Variants in SLC41A2 observed in about 807,000 individuals in gnomAD.
SLC41A2 encodes SLC41A1-like 1.
SLC41A2 carries 32 observed loss-of-function variants against 58.3 expected under a neutral mutation model. The ratio of observed to expected loss-of-function variants is 0.55; its 90% CI spans 0.41 to 0.74. The LOEUF (loss-of-function observed/expected upper bound fraction) is 0.74, where lower values mean the gene tolerates loss of function less well. Ranked by LOEUF, SLC41A2 falls within the 30% of genes least tolerant of loss-of-function variation. SLC41A2 has a pLI of 0.00. For missense variants in SLC41A2, 514 were observed against 680.6 expected (o/e 0.76, Z 2.72); for synonymous variants, 190 against 235.0 (o/e 0.81, Z 1.75).
intron 10 of SLC41A2, among the ~76,000 whole-genome samples, chr12:104,836,439 G>A (rs2042210992): frequency 1.3e-5 from 2 of 152,182 alleles, no homozygotes; most frequent in South Asian, 4.1e-4. Context: ...GAGGGGAACT[G>A]TTAGAGATCA....
intron 3 of SLC41A2, among the ~76,000 whole-genome samples, chr12:104,896,215 C>T (rs920396330): frequency 5.3e-5 from 8 of 152,154 alleles, no homozygotes; most frequent in Non-Finnish European, 1.2e-4. Context: ...ATTTAGGTCA[C>T]TGGCTTTAGA....
chr12:104,935,390 GTA>G lies in SLC41A2; in HGVS notation c.-167-6698_-167-6697del, dbSNP rs1386971681. 1.9e-4 allele frequency among the ~76,000 whole-genome samples: 21 copies of G among 112,216 alleles called. 1 individual carries two copies. Among genetic ancestry groups the G allele is most frequent in the Non-Finnish European group, 4.3e-4 (21 of 48,916 alleles). 73.6% of individuals were successfully genotyped at this position (112,216 alleles called of 152,430 possible). ...CACAAAAAAAAGTCAGTGAGGTGAT[GTA>G]TATGTTAGTTATCTTGATTGAATAT... On this transcript the variant is annotated intron_variant, in intron 1 of 10. Transcript: ENST00000258538.
At chr12:104,876,514 C>A (rs576532670) in intron 6 of SLC41A2, among the ~76,000 whole-genome samples, 5 of 151,938 alleles carry the variant, frequency 3.3e-5, no homozygotes, top group African/African-American at 9.7e-5. Flanking sequence ...CTTCTTTGAC[C>A]TCTTGGTTGT....
intron 8 of SLC41A2, among the ~76,000 whole-genome samples, chr12:104,851,491 C>A (rs2042797581): frequency 6.6e-6 from 1 of 152,110 alleles, no homozygotes; most frequent in Non-Finnish European, 1.5e-5. Flanking sequence ...TCAAGTGATC[C>A]TCCTGCCTTA....
chr12:104,803,328 C>T lies in SLC41A2; in HGVS notation c.*1824G>A, dbSNP rs1353860523. 3 of 151,996 alleles carry T rather than the reference C, an allele frequency of 2.0e-5. No individual in the cohort carries two copies. The highest frequency in any genetic ancestry group is 2.0e-4 in the Admixed American group (3 of 15,238). 9.4% of individuals were successfully genotyped at this position (151,996 alleles called of 1,614,324 possible). A position where few individuals can be genotyped will look rare whatever the true frequency, so the allele number is the denominator to read the frequency against. On this transcript the variant is annotated 3_prime_UTR_variant, in exon 11 of 11. Coordinates refer to ENST00000258538, the MANE Select transcript of SLC41A2 (RefSeq NM_001352171.3). The stretch of plus-strand genomic sequence containing the variant: ...TTATTCTTTCTTTTATAAGAATGTT[C>T]ACTATGTAACATTATAACTCTCCAA...
intron 8 of SLC41A2, among the ~76,000 whole-genome samples, chr12:104,853,912 T>TTATTATTATTATTATTA (rs1555202445): frequency 6.8e-4 from 35 of 51,372 alleles, no homozygotes; most frequent in African/African-American, 3.3e-3. Context: ...GCCTGGCTGA[T>TTATTATTATTATTATTA]TTTTTTTTTT....
chr12:104,914,894 C>G (rs1038274292), intron 2 of SLC41A2, among the ~76,000 whole-genome samples: 3 of 152,228 alleles, frequency 2.0e-5, no homozygotes, highest in Admixed American at 6.5e-5. Flanking sequence ...GTTAATTTTC[C>G]TGTCAAGAGG....
chr12:104,928,638 T>G lies in SLC41A2; in HGVS notation c.-111A>C, dbSNP rs1435564882. The G allele has an allele frequency of 1.9e-6, 1 of 536,784 alleles. No homozygotes were observed. Among genetic ancestry groups the G allele is most frequent in the Non-Finnish European group, 3.0e-6 (1 of 335,120 alleles). The allele number at this position is 536,784 out of a possible 1,614,324, so 33.3% of individuals were successfully genotyped here. ...TTAAATTAAGTTGTTGACTTCATTG[T>G]GTAGAAAATATTTCCACTAATAAAA... On this transcript the variant is annotated 5_prime_UTR_variant, in exon 2 of 11. Transcript: ENST00000258538.
At chr12:104,911,549 C>T (rs2046086895) in intron 2 of SLC41A2, among the ~76,000 whole-genome samples, 1 of 152,034 alleles carries the variant, frequency 6.6e-6, no homozygotes, top group African/African-American at 2.4e-5. Context: ...AACTTTATAT[C>T]AAAAAGTATC....
At position 104,816,484 on chromosome 12, in the gene SLC41A2, T is replaced by C. The variant is rs2041408807; in HGVS notation, c.1537-11147A>G. 2.0e-5 allele frequency among the ~76,000 whole-genome samples: 3 copies of C among 152,188 alleles called. No individual in the cohort carries two copies. The South Asian group carries it at 6.2e-4, about 32-fold the overall frequency. On this transcript the variant is annotated intron_variant, in intron 10 of 10. Coordinates refer to ENST00000258538, the MANE Select transcript of SLC41A2 (RefSeq NM_001352171.3). ...GCAGGCGGCTGCCCTGGGCCACTTGTGCCCTCTGCCTCTCCAGGGGACATG... is the reference window on the plus strand; with the variant it reads ...GCAGGCGGCTGCCCTGGGCCACTTGCGCCCTCTGCCTCTCCAGGGGACATG...
intron 10 of SLC41A2, among the ~76,000 whole-genome samples, chr12:104,829,370 A>T (rs1322144147): frequency 1.3e-5 from 2 of 152,216 alleles, no homozygotes; most frequent in African/African-American, 4.8e-5. Context: ...TCAAAATATT[A>T]TGTTGAGTAA....
chr12:104,955,781 A>T (rs2048144735), intron 1 of SLC41A2, among the ~76,000 whole-genome samples: 1 of 150,990 alleles, frequency 6.6e-6, no homozygotes, highest in Non-Finnish European at 1.5e-5. Context: ...GCCATGAAAG[A>T]CCTGATGCTG....
intron 10 of SLC41A2, among the ~76,000 whole-genome samples, chr12:104,829,965 T>C (rs938133594): frequency 2.0e-5 from 3 of 152,226 alleles, no homozygotes; most frequent in African/African-American, 7.2e-5. Flanking sequence ...AGTTGAGTAC[T>C]TGCGACAAAG....
Position 104,889,921 on chromosome 12 carries a change from TAAG to T in SLC41A2, c.736-747_736-745del, listed in dbSNP as rs140474444. Reference sequence around the variant, plus strand: ...AGCAAGAATAAAAAAAACCTGCCACTAAGAAATAACACTCACCGCTAACTCAGC... The same window carrying T: ...AGCAAGAATAAAAAAAACCTGCCACTAAATAACACTCACCGCTAACTCAGC... On this transcript the variant is annotated intron_variant, in intron 4 of 10. Coordinates refer to ENST00000258538, the MANE Select transcript of SLC41A2 (RefSeq NM_001352171.3). Among the ~76,000 whole-genome samples the T allele has an allele frequency of 7.0e-3, 1,065 of 152,196 alleles. 6 individuals carry two copies. The highest frequency in any genetic ancestry group is 0.014 in the Middle Eastern group (4 of 294).
chr12:104,848,970 G>C (rs2042705915), intron 8 of SLC41A2, among the ~76,000 whole-genome samples: 1 of 151,772 alleles, frequency 6.6e-6, no homozygotes, highest in Admixed American at 6.6e-5. Flanking sequence ...AATAAATAGT[G>C]CTATCGACTT....
At chr12:104,899,738 T>C (rs563538854) in intron 3 of SLC41A2, among the ~76,000 whole-genome samples, 2 of 152,304 alleles carry the variant, frequency 1.3e-5, no homozygotes, top group Admixed American at 1.3e-4. Context: ...TGTCATCTGA[T>C]AATCCAAGCC....
chr12:104,884,856 G>A (rs967084200), intron 6 of SLC41A2, among the ~76,000 whole-genome samples: 2 of 152,224 alleles, frequency 1.3e-5, no homozygotes, highest in African/African-American at 2.4e-5. Flanking sequence ...GTGTGGGTGA[G>A]TTTAATAGAG....
intron 10 of SLC41A2, among the ~76,000 whole-genome samples, chr12:104,833,285 T>C (rs908617994): frequency 6.6e-6 from 1 of 152,216 alleles, no homozygotes; most frequent in Non-Finnish European, 1.5e-5. Context: ...GTTCCTGAAG[T>C]AGCCAATTAG....
chr12:104,945,116 G>C (rs912201019), intron 1 of SLC41A2, among the ~76,000 whole-genome samples: 4 of 150,350 alleles, frequency 2.7e-5, no homozygotes, highest in Non-Finnish European at 4.4e-5. Context: ...GTTGCAGTGA[G>C]CCGAGATCAC....
Sources: allele counts gnomAD v4.1 joint callset (sites outside exome capture counted in the v4.1 genomes callset), GRCh38; gene constraint gnomAD v4.1.1; transcripts MANE v1.5; gene names NCBI Gene and HGNC (gene_info 2026-07-23, HGNC 2026-07-21).